Variants in PRXL2C observed in about 807,000 individuals in gnomAD.
PRXL2C encodes the protein peroxiredoxin like 2C, also known as peroxiredoxin-like 2C.
In PRXL2C, 38 loss-of-function variants were observed where a neutral mutation model predicts 24.9. The ratio of observed to expected loss-of-function variants is 1.53; its 90% CI spans 1.18 to 2.00. The LOEUF (loss-of-function observed/expected upper bound fraction) is 2.00. Ranked by LOEUF, PRXL2C falls within the 30% of genes most tolerant of loss-of-function variation. PRXL2C has a pLI of 0.00. For synonymous variants in PRXL2C, 98 were observed against 117.2 expected (o/e 0.84, Z 1.06); for missense variants, 294 against 290.9 (o/e 1.01, Z -0.08).
At chr9:96,650,383 C>G (rs1001223419) in intron 4 of PRXL2C, among the ~76,000 whole-genome samples, 2 of 152,138 alleles carry the variant, frequency 1.3e-5, no homozygotes, top group African/African-American at 4.8e-5. Flanking sequence ...CAGTACAACT[C>G]AAGTTTTCTA....
rs1313406119 is a variant in PRXL2C, at chr9:96,640,117, A to C, written c.*1642T>G. ...TCAAAAAAAAAAAAAAAATTCTAGA[A>C]AAATGAAAGATAACAAGTCTCCCAA... is the stretch of plus-strand genomic sequence containing the variant. On this transcript the variant is annotated 3_prime_UTR_variant, in exon 6 of 6. Transcript: ENST00000375234. 1.3e-5 allele frequency: 2 copies of C among 152,138 alleles called. No individual in the cohort carries two copies. Among genetic ancestry groups the C allele is most frequent in the Non-Finnish European group, 2.9e-5 (2 of 68,120 alleles). The allele number at this position is 152,138 out of a possible 1,614,324, so 9.4% of individuals were successfully genotyped here.
At chr9:96,652,470 G>A (rs1375656056) in intron 2 of PRXL2C, among the ~76,000 whole-genome samples, 5 of 149,954 alleles carry the variant, frequency 3.3e-5, no homozygotes, top group African/African-American at 7.4e-5. Context: ...GTAGTCAGCC[G>A]AGATTGTGCC....
chr9:96,654,710 A>G lies in PRXL2C; in HGVS notation c.256T>C (p.Leu86=). The G allele has an allele frequency of 6.4e-7, 1 of 1,562,988 alleles. No individual in the cohort carries two copies. Among genetic ancestry groups the G allele is most frequent in the East Asian group, 2.3e-5 (1 of 42,618 alleles). The change falls in exon 2 of 6, where the codon TTA becomes CTA. Residue 86 remains leucine (L), a synonymous_variant. Transcript: ENST00000375234. ...EDLAKIPRSF[L]QEANVTLIVI... is the part of the protein sequence containing the mutation. ...GCCCACGCTGGGAAACTCACTTGTA[A>G]GAAACTCCTGGGGATTTTGGCCAGA...
At chr9:96,642,032 C>CA in intron 5 of PRXL2C, 146 bp from the exon 6 acceptor site, 1 of 532,462 alleles carries the variant, frequency 1.9e-6, no homozygotes, top group Non-Finnish European at 3.0e-6. Context: ...CTATATAATG[C>CA]CATAATAATT....
At chr9:96,652,638 G>A (rs548519964) in intron 2 of PRXL2C, among the ~76,000 whole-genome samples, 41 of 152,178 alleles carry the variant, frequency 2.7e-4, no homozygotes, top group African/African-American at 9.9e-4. Flanking sequence ...TTGTTAAATG[G>A]CTATCAGTAA....
intron 5 of PRXL2C, among the ~76,000 whole-genome samples, chr9:96,644,409 G>A (rs1009451680): frequency 6.6e-6 from 1 of 152,214 alleles, no homozygotes; most frequent in Admixed American, 6.5e-5. Flanking sequence ...TAGCAGAGAC[G>A]AGCCAAAGCA....
intron 5 of PRXL2C, 44 bp from the exon 6 acceptor site, chr9:96,641,930 A>T (rs750616161): frequency 1.4e-6 from 2 of 1,397,452 alleles, no homozygotes; most frequent in South Asian, 3.8e-5. Flanking sequence ...AGTATTATTC[A>T]TCAGATTTAC....
intron 2 of PRXL2C, among the ~76,000 whole-genome samples, chr9:96,653,456 G>A (rs1168619171): frequency 6.6e-6 from 1 of 152,078 alleles, no homozygotes; most frequent in Non-Finnish European, 1.5e-5. Flanking sequence ...ATAAGGAAAA[G>A]GGAGGTGATC....
intron 4 of PRXL2C, among the ~76,000 whole-genome samples, chr9:96,648,763 A>G (rs1848228402): frequency 6.6e-6 from 1 of 152,114 alleles, no homozygotes; most frequent in Non-Finnish European, 1.5e-5. Flanking sequence ...CTCACAGTTT[A>G]TATATAAAGT....
At chr9:96,650,138 C>T (rs1848249300) in intron 4 of PRXL2C, among the ~76,000 whole-genome samples, 1 of 152,124 alleles carries the variant, frequency 6.6e-6, no homozygotes, top group African/African-American at 2.4e-5. Context: ...TATTTCTAGT[C>T]AGGAATGCCT....
At chr9:96,653,546 T>C (rs998176197) in intron 2 of PRXL2C, among the ~76,000 whole-genome samples, 6 of 152,182 alleles carry the variant, frequency 3.9e-5, no homozygotes, top group African/African-American at 1.4e-4. Context: ...TAGTTAACAA[T>C]GTATACTTCA....
intron 4 of PRXL2C, among the ~76,000 whole-genome samples, chr9:96,648,496 A>C (rs1848225407): frequency 6.6e-6 from 1 of 151,996 alleles, no homozygotes; most frequent in Non-Finnish European, 1.5e-5. Context: ...TTAGTTTTCA[A>C]GTAAGACTAT....
rs1848336722 is a variant in PRXL2C, at chr9:96,655,143, C to T, written c.139G>A (p.Val47Ile). The change falls in exon 1 of 6, where the codon GTA becomes ATA. Residue 47 changes from valine (V) to isoleucine (I), a missense_variant. Physicochemically the swap from Val to Ile is conservative, Grantham distance 29. Coordinates refer to ENST00000375234, the MANE Select transcript of PRXL2C (RefSeq NM_153698.2). Reference protein sequence around the residue: ...LPVLDARGQRVPFGALFRERR... With the variant: ...LPVLDARGQRIPFGALFRERR... ...TCCCGGAACAGCGCGCCGAACGGTA[C>T]CCGCTGCCCGCGGGCGTCCAGCACC... 5.2e-6 allele frequency: 7 copies of T among 1,335,080 alleles called. No homozygotes were observed. Among genetic ancestry groups the T allele is most frequent in the Non-Finnish European group, 5.7e-6 (6 of 1,048,300 alleles). 82.7% of individuals were successfully genotyped at this position (1,335,080 alleles called of 1,614,324 possible).
intron 5 of PRXL2C, among the ~76,000 whole-genome samples, chr9:96,643,208 T>C (rs1848142083): frequency 1.3e-5 from 2 of 152,278 alleles, no homozygotes; most frequent in East Asian, 1.9e-4. Context: ...TGGTCCCAAG[T>C]TGGCACACAA....
chr9:96,645,797 GAAAA>G (rs368373031), intron 5 of PRXL2C, 92 bp downstream of exon 5: 149 of 1,105,504 alleles, frequency 1.3e-4, no homozygotes, highest in South Asian at 3.0e-4. Context: ...ACTCCCTCTC[GAAAA>G]AAAAAAAAAA....
rs9886834 is a variant in PRXL2C, at chr9:96,654,718, C to T, written c.248G>A (p.Arg83Lys). The T allele has an allele frequency of 0.015, 23,355 of 1,564,860 alleles. 2,642 individuals are homozygous for T. In the African/African-American group the frequency reaches 0.26, roughly 18 times the overall value. The stretch of plus-strand genomic sequence containing the variant: ...TGGGAAACTCACTTGTAAGAAACTC[C>T]TGGGGATTTTGGCCAGATCCTCTAC... Reference protein sequence around the residue: ...EYVEDLAKIPRSFLQEANVTL... With the variant: ...EYVEDLAKIPKSFLQEANVTL... Residue 83 changes from arginine (R) to lysine (K), a missense_variant, in exon 2 of 6, where the codon AGG becomes AAG. By Grantham distance (26) the Arg-to-Lys change is conservative. Coordinates refer to ENST00000375234, the MANE Select transcript of PRXL2C (RefSeq NM_153698.2).
At chr9:96,644,352 G>C (rs1422031617) in intron 5 of PRXL2C, among the ~76,000 whole-genome samples, 1 of 152,062 alleles carries the variant, frequency 6.6e-6, no homozygotes, top group Non-Finnish European at 1.5e-5. Flanking sequence ...AATACACTTA[G>C]ATGTCCACAA....
rs958202119 is a variant in PRXL2C, at chr9:96,655,298, G to C, written c.-17C>G. 1.1e-5 allele frequency: 11 copies of C among 1,045,414 alleles called. No individual in the cohort carries two copies. Among genetic ancestry groups the C allele is most frequent in the African/African-American group, 1.7e-5 (1 of 58,586 alleles). The allele number at this position is 1,045,414 out of a possible 1,614,324, so 64.8% of individuals were successfully genotyped here. ...CGCGGCCATGACGCGGGGCGGCCGA[G>C]GGCCTGGGTCCGCTCTGTCAGCGCG... On this transcript the variant is annotated 5_prime_UTR_variant, in exon 1 of 6. Coordinates refer to ENST00000375234, the MANE Select transcript of PRXL2C (RefSeq NM_153698.2).
chr9:96,651,877 T>C (rs1486476998), intron 2 of PRXL2C, among the ~76,000 whole-genome samples, 165 bp from the exon 3 acceptor site: 1 of 152,196 alleles, frequency 6.6e-6, no homozygotes, highest in Non-Finnish European at 1.5e-5. Flanking sequence ...ATATGTATAG[T>C]AAAATATTAA....
Sources: gnomAD v4.1 joint callset for allele counts (sites outside exome capture counted in the v4.1 genomes callset) on GRCh38, gnomAD v4.1.1 for gene constraint, MANE v1.5 for transcripts, NCBI Gene and HGNC (gene_info 2026-07-23, HGNC 2026-07-21) for gene names.